The following TYW1B variants were observed in gnomAD, a reference collection of about 807,000 sequenced individuals.
The protein encoded by TYW1B is S-adenosyl-L-methionine-dependent tRNA 4-demethylwyosine synthase TYW1B.
Under a neutral mutation model 86.9 loss-of-function variants are expected in TYW1B, and 73 were observed. That is an observed-to-expected ratio of 0.84 (90% CI 0.70 to 1.02). The LOEUF (loss-of-function observed/expected upper bound fraction) is 1.02. Ranked by LOEUF, TYW1B falls within the 50% of genes least tolerant of loss-of-function variation. The pLI, the probability that TYW1B is intolerant of heterozygous loss-of-function variation, is 0.00. For missense variants in TYW1B, 637 were observed against 827.4 expected (o/e 0.77, Z 2.82); for synonymous variants, 248 against 292.8 (o/e 0.85, Z 1.56).
chr7:72,667,043 A>AAAAAAAAAAAAAAAAAAT (rs1813481448), intron 11 of TYW1B, among the ~76,000 whole-genome samples: 1 of 149,054 alleles, frequency 6.7e-6, no homozygotes, highest in South Asian at 2.1e-4. Context: ...AAAAAAAAAA[A>AAAAAAAAAAAAAAAAAAT]AAAAAAAAGA....
chr7:72,828,178 G>T lies in TYW1B; in HGVS notation c.-103C>A. On this transcript the variant is annotated 5_prime_UTR_variant, in exon 1 of 14. Coordinates refer to ENST00000620995, the MANE Select transcript of TYW1B (RefSeq NM_001145440.3). Reference sequence around the variant, plus strand: ...CGAGCTACCTCGCGGCGTTAGCGCCGTACCGAGTGGCTGCAGAACTGTGGG... The same window carrying T: ...CGAGCTACCTCGCGGCGTTAGCGCCTTACCGAGTGGCTGCAGAACTGTGGG... 2 of 1,573,436 alleles carry T rather than the reference G, an allele frequency of 1.3e-6. No individual in the cohort carries two copies. Among genetic ancestry groups the T allele is most frequent in the Non-Finnish European group, 1.7e-6 (2 of 1,157,758 alleles).
chr7:72,820,289 G>C (rs1175815174), intron 2 of TYW1B, among the ~76,000 whole-genome samples: 1 of 151,872 alleles, frequency 6.6e-6, no homozygotes, highest in African/African-American at 2.4e-5. Context: ...AAGAAAACAA[G>C]AAATTTCAAC....
intron 13 of TYW1B, among the ~76,000 whole-genome samples, chr7:72,607,409 A>AG (rs1811826705): frequency 6.7e-6 from 1 of 150,220 alleles, no homozygotes; most frequent in South Asian, 2.1e-4. Context: ...AAAAAAAAAA[A>AG]GAAAAGAAGA....
At chr7:72,661,845 T>G (rs1379555233) in intron 11 of TYW1B, among the ~76,000 whole-genome samples, 2 of 151,994 alleles carry the variant, frequency 1.3e-5, no homozygotes, top group African/African-American at 4.8e-5. Flanking sequence ...GGTTTTGTTT[T>G]GTTTTCCTGA....
At chr7:72,603,090 GAT>G (rs1554434132) in intron 13 of TYW1B, among the ~76,000 whole-genome samples, 1,738 of 149,626 alleles carry the variant, frequency 0.012, 7 homozygotes, top group Non-Finnish European at 0.018. Flanking sequence ...CAGACAGACA[GAT>G]GATGGATGGA....
intron 10 of TYW1B, among the ~76,000 whole-genome samples, chr7:72,707,862 T>A (rs35995367): frequency 2.0e-5 from 3 of 152,246 alleles, no homozygotes; most frequent in East Asian, 3.8e-4. Context: ...TGATGGGGAC[T>A]TCCCCCTTGC....
At chr7:72,646,832 A>G (rs1812942483) in intron 11 of TYW1B, among the ~76,000 whole-genome samples, 3 of 152,252 alleles carry the variant, frequency 2.0e-5, no homozygotes, top group African/African-American at 7.2e-5. Flanking sequence ...CAAAGCTAAG[A>G]TGATGGCTAC....
intron 11 of TYW1B, among the ~76,000 whole-genome samples, chr7:72,651,311 T>C (rs1277072915): frequency 2.0e-5 from 3 of 152,154 alleles, no homozygotes; most frequent in African/African-American, 4.8e-5. Flanking sequence ...CTGTGTCTTA[T>C]CATACCTTAA....
rs1814465013 is a variant in TYW1B, at chr7:72,701,282, G to C, written c.1371-6460C>G. Among the ~76,000 whole-genome samples the C allele has an allele frequency of 2.0e-5, 3 of 150,944 alleles. No homozygotes were observed. The South Asian group carries it at 6.3e-4, about 32-fold the overall frequency. The stretch of plus-strand genomic sequence containing the variant: ...GACATTTTCTTTTTATTTATTTTTT[G>C]CGACAAGGTCTCACTCTGTCCCCCA... On this transcript the variant is annotated intron_variant, in intron 10 of 13. Transcript: ENST00000620995.
At chr7:72,827,345 T>C (rs1182496658) in intron 1 of TYW1B, among the ~76,000 whole-genome samples, 7 of 152,100 alleles carry the variant, frequency 4.6e-5, no homozygotes, top group Non-Finnish European at 1.0e-4. Context: ...GAGGCAGAGG[T>C]TGCAGTGAGC....
chr7:72,581,929 G>A (rs1464350223), intron 13 of TYW1B, among the ~76,000 whole-genome samples: 4 of 151,356 alleles, frequency 2.6e-5, no homozygotes, highest in Non-Finnish European at 2.9e-5. Flanking sequence ...CACCACGCCC[G>A]GCTAATTTTT....
intron 7 of TYW1B, among the ~76,000 whole-genome samples, chr7:72,777,105 C>A (rs1554470696): frequency 1.3e-5 from 2 of 152,142 alleles, no homozygotes; most frequent in Non-Finnish European, 2.9e-5. Context: ...ATAAACACTT[C>A]TAATTAACCC....
chr7:72,579,451 T>G (rs1811099043), intron 13 of TYW1B, among the ~76,000 whole-genome samples: 1 of 152,146 alleles, frequency 6.6e-6, no homozygotes, highest in Non-Finnish European at 1.5e-5. Context: ...AATGCCATAG[T>G]GTGGGGAACT....
At chr7:72,592,372 G>T (rs1393748174) in intron 13 of TYW1B, among the ~76,000 whole-genome samples, 2 of 151,984 alleles carry the variant, frequency 1.3e-5, no homozygotes, top group African/African-American at 4.8e-5. Flanking sequence ...AATGTCCATT[G>T]TAAGCACAAG....
chr7:72,692,027 G>A (rs1814177622), intron 11 of TYW1B, among the ~76,000 whole-genome samples: 3 of 151,568 alleles, frequency 2.0e-5, no homozygotes, highest in African/African-American at 4.9e-5. Context: ...CCAACATGGT[G>A]AAACCCCATC....
intron 6 of TYW1B, among the ~76,000 whole-genome samples, chr7:72,788,124 C>T (rs1788160251): frequency 6.6e-6 from 1 of 151,906 alleles, no homozygotes; most frequent in Non-Finnish European, 1.5e-5. Context: ...ACTATAGGCG[C>T]CTGCCACCAC....
At chr7:72,608,016 A>G (rs1384671357) in intron 13 of TYW1B, among the ~76,000 whole-genome samples, 1 of 152,224 alleles carries the variant, frequency 6.6e-6, no homozygotes, top group Non-Finnish European at 1.5e-5. Flanking sequence ...AGGATTTTTC[A>G]TCAGATACCA....
At chr7:72,669,090 C>T (rs186454942) in intron 11 of TYW1B, among the ~76,000 whole-genome samples, 275 of 128,016 alleles carry the variant, frequency 2.1e-3, no homozygotes, top group African/African-American at 7.4e-3. Flanking sequence ...CATTTATACA[C>T]AAAAATTATT....
intron 9 of TYW1B, among the ~76,000 whole-genome samples, chr7:72,722,127 T>C (rs1786915721): frequency 1.3e-5 from 2 of 152,220 alleles, no homozygotes; most frequent in Admixed American, 6.6e-5. Context: ...TTGAGGTTTT[T>C]CATAAATTAG....
Sources: allele counts gnomAD v4.1 joint callset (sites outside exome capture counted in the v4.1 genomes callset), GRCh38; gene constraint gnomAD v4.1.1; transcripts MANE v1.5; gene names NCBI Gene and HGNC (gene_info 2026-07-23, HGNC 2026-07-21).